The following TELO2 variants were observed in gnomAD, a reference collection of about 807,000 sequenced individuals.
TELO2 encodes the protein telomere length regulation protein TEL2 homolog.
TELO2 carries 71 observed loss-of-function variants against 91.0 expected under a neutral mutation model. The observed-to-expected ratio is 0.78, with a 90% CI of 0.64 to 0.95. The LOEUF (loss-of-function observed/expected upper bound fraction) is 0.95. TELO2 is among the 40% of genes least tolerant of loss of function. The probability of loss-of-function intolerance (pLI) is 0.00; values close to 1 mark genes in which losing one functional copy is unlikely to be tolerated. For synonymous variants in TELO2, 584 were observed against 518.9 expected (o/e 1.13, Z -1.71); for missense variants, 1,183 against 1,141.3 (o/e 1.04, Z -0.53).
rs369656775 is a variant in TELO2, at chr16:1,497,457, C to T, written c.779C>T (p.Pro260Leu). The T allele has an allele frequency of 7.0e-6, 11 of 1,572,746 alleles. No homozygotes were observed. The highest frequency in any genetic ancestry group is 1.4e-5 in the African/African-American group (1 of 73,786). ...RVCWRLVEQV[P>L]DRAMEAVLTG... ...TGCTGGCGCCTGGTGGAGCAAGTGC[C>T]GGACCGGGCCATGGAGGCTGTGCTG... The change falls in exon 5 of 21, where the codon CCG becomes CTG. Residue 260 changes from proline (P) to leucine (L), a missense_variant. Pro to Leu is a moderately conservative substitution (Grantham distance 98, BLOSUM62 -3). Transcript: ENST00000262319. The surrounding 1 kb of genome is among the most constrained non-coding windows in gnomAD (Gnocchi z 4.0).
At position 1,497,046 on chromosome 16, in the gene TELO2, T is replaced by G. The variant is rs766521956; in HGVS notation, c.624T>G (p.Asp208Glu). The change falls in exon 4 of 21, where the codon GAT becomes GAG. Residue 208 changes from aspartate (D) to glutamate (E), a missense_variant. Asp to Glu is a conservative substitution (Grantham distance 45). Coordinates refer to ENST00000262319, the MANE Select transcript of TELO2 (RefSeq NM_016111.4). This position sits in a 1 kb window ranked among gnomAD's most constrained non-coding sequence, Gnocchi z 4.0. ...CCCTTTCTGTCCCAGGTGGCCTGGA[T>G]TCCTCCGTGTCCTTCGTGTCTCAGG... ...AVVDSLQGGL[D>E]SSVSFVSQVL... is the part of the protein sequence containing the mutation. 2 of 1,614,056 alleles carry G rather than the reference T, an allele frequency of 1.2e-6. No individual in the cohort carries two copies. The highest frequency in any genetic ancestry group is 1.7e-6 in the Non-Finnish European group (2 of 1,179,970).
chr16:1,506,360 TG>T (rs1567305780), intron 17 of TELO2, 31 bp downstream of exon 17: 1 of 1,613,546 alleles, frequency 6.2e-7, no homozygotes, highest in East Asian at 2.2e-5. Context: ...CCTGTGGACT[TG>T]GGGGACAGGG....
At chr16:1,499,962 G>A (rs1268265932) in intron 6 of TELO2, 134 bp from the exon 7 acceptor site, 2 of 1,081,672 alleles carry the variant, frequency 1.8e-6, no homozygotes, top group Non-Finnish European at 2.6e-6. Context: ...CCAGGAGGCA[G>A]TGGCCGCCCC....
chr16:1,496,426 G>C (rs1442260028), intron 3 of TELO2, among the ~76,000 whole-genome samples: 1 of 152,252 alleles, frequency 6.6e-6, no homozygotes, highest in Non-Finnish European at 1.5e-5. Flanking sequence ...CCCTAGGCTT[G>C]CAGCTGCTGC....
rs1171098765 is a variant in TELO2 at position 1,495,550 on chromosome 16, C to A, written c.540C>A (p.Phe180Leu). The change falls in exon 3 of 21, where the codon TTC (phenylalanine) becomes TTA (leucine). Residue 180 changes from phenylalanine (F) to leucine (L), a missense_variant. Coordinates refer to ENST00000262319, the MANE Select transcript of TELO2 (RefSeq NM_016111.4). ...RLQQENLAEF[F>L]PQNYFRLLGE... The stretch of plus-strand genomic sequence containing the variant: ...AGCAGGAGAACTTGGCCGAGTTCTT[C>A]CCCCAGAACTACTTCCGCCTGCTCG... The A allele has an allele frequency of 1.9e-6, 3 of 1,611,896 alleles. No individual in the cohort carries two copies. Among genetic ancestry groups the A allele is most frequent in the Non-Finnish European group, 2.5e-6 (3 of 1,179,890 alleles).
chr16:1,506,010 G>A (rs1031328990), intron 16 of TELO2, among the ~76,000 whole-genome samples: 4 of 152,248 alleles, frequency 2.6e-5, no homozygotes, highest in Non-Finnish European at 5.9e-5. Context: ...TGAATGTCCT[G>A]CCTGCAAGTT....
In TELO2 at chr16:1,495,688, C is replaced by T. The variant is rs2039464563; in HGVS notation, c.613+65C>T. On this transcript the variant is annotated intron_variant, in intron 3 of 20. Coordinates refer to ENST00000262319, the MANE Select transcript of TELO2 (RefSeq NM_016111.4). ...TCTTGGGTCCTCGTCCCCTGCCACC[C>T]TCTGGTGCCTCACGGCCTCTGGAGA... The T allele has an allele frequency of 4.6e-6, 7 of 1,516,228 alleles. No individual in the cohort carries two copies. The East Asian group carries it at 6.8e-5, about 15-fold the overall frequency. 93.9% of individuals were successfully genotyped at this position (1,516,228 alleles called of 1,614,324 possible).
intron 3 of TELO2, among the ~76,000 whole-genome samples, chr16:1,496,331 G>A (rs1477006221): frequency 1.6e-4 from 25 of 152,162 alleles, no homozygotes; most frequent in Admixed American, 1.6e-3. Flanking sequence ...TCCCTGCGTG[G>A]GGCCTGTGTG....
chr16:1,494,301 AG>A lies in TELO2; in HGVS notation c.22del (p.Val8PhefsTer28). 6.2e-7 allele frequency: 1 copy of A among 1,612,200 alleles called. No homozygotes were observed. The highest frequency in any genetic ancestry group is 8.5e-7 in the Non-Finnish European group (1 of 1,179,446). MEPAPS[E>X]VRLAVREAIH... Reference sequence around the variant, plus strand: ...TGCAGGATGGAGCCAGCACCCTCAGAGGTTCGACTCGCCGTCCGGGAAGCCA... The same window carrying A: ...TGCAGGATGGAGCCAGCACCCTCAGAGTTCGACTCGCCGTCCGGGAAGCCA... On this transcript the variant is annotated frameshift_variant, in exon 2 of 21. Transcript: ENST00000262319. LOFTEE classifies it high-confidence loss of function. The surrounding 1 kb of genome is among the most constrained non-coding windows in gnomAD (Gnocchi z 5.6).
Position 1,500,571 on chromosome 16 carries a change from G to A in TELO2, c.1153G>A (p.Ala385Thr). 6.2e-7 allele frequency: 1 copy of A among 1,611,960 alleles called. No individual in the cohort carries two copies. Among genetic ancestry groups the A allele is most frequent in the South Asian group, 1.1e-5 (1 of 90,968 alleles). Residue 385 changes from alanine to threonine, a missense_variant, in exon 9 of 21, where the codon GCC becomes ACC. Physicochemically the swap from Ala to Thr is moderately conservative, Grantham distance 58 (BLOSUM62 0). Transcript: ENST00000262319. Reference protein sequence around the residue: ...ELRDSRDELLASMMAGVKCRL... With the variant: ...ELRDSRDELLTSMMAGVKCRL... The stretch of plus-strand genomic sequence containing the variant: ...CTGTCCGGTGCTTGCAGAACTGCTG[G>A]CCAGCATGATGGCGGGCGTGAAGTG...
At position 1,505,348 on chromosome 16, in the gene TELO2, G is replaced by A; in HGVS notation, c.1843-62G>A. 6.5e-7 allele frequency: 1 copy of A among 1,548,284 alleles called. No homozygotes were observed. Among genetic ancestry groups the A allele is most frequent in the Non-Finnish European group, 8.7e-7 (1 of 1,143,616 alleles). On this transcript the variant is annotated intron_variant, in intron 15 of 20. Coordinates refer to ENST00000262319, the MANE Select transcript of TELO2 (RefSeq NM_016111.4). This position sits in a 1 kb window ranked among gnomAD's most constrained non-coding sequence, Gnocchi z 4.3. ...CCGTTTCTGGGGCTTTGGCTGACTT[G>A]ACTCTTGGGAAATGTTCTTCCCTGG...
At chr16:1,507,136 G>A in intron 18 of TELO2, 85 bp downstream of exon 18, 1 of 1,507,300 alleles carries the variant, frequency 6.6e-7, no homozygotes, top group Middle Eastern at 2.3e-4. Context: ...CCCAGGGATG[G>A]GTGTCTGAGG....
At position 1,502,626 on chromosome 16, in the gene TELO2, C is replaced by T. The variant is rs1479579216; in HGVS notation, c.1654-19C>T. 6.2e-7 allele frequency: 1 copy of T among 1,608,046 alleles called. No individual in the cohort carries two copies. The highest frequency in any genetic ancestry group is 8.5e-7 in the Non-Finnish European group (1 of 1,179,124). On this transcript the variant is annotated intron_variant, in intron 13 of 20. Coordinates refer to ENST00000262319, the MANE Select transcript of TELO2 (RefSeq NM_016111.4). ...CAGCTGGGTCCGACAGGTTTCCCAG[C>T]CCTAACCCCTGCGTGCAGGTGAGCG... is the stretch of plus-strand genomic sequence containing the variant.
intron 14 of TELO2, 62 bp downstream of exon 14, chr16:1,502,823 G>A (rs1442334335): frequency 7.5e-6 from 12 of 1,601,358 alleles, no homozygotes; most frequent in Non-Finnish European, 6.8e-6. Context: ...TGGGAGCTGC[G>A]GTGCCTGAGT....
At chr16:1,502,499 G>C (rs780772692) in intron 13 of TELO2, 95 bp downstream of exon 13, 1 of 1,499,616 alleles carries the variant, frequency 6.7e-7, no homozygotes, top group African/African-American at 1.4e-5. Context: ...TATGGCTCCC[G>C]TGTGTGACAG....
rs546128145 is a variant in TELO2, at chr16:1,497,175, C to A, written c.682+71C>A. On this transcript the variant is annotated intron_variant, in intron 4 of 20. Transcript: ENST00000262319. This position sits in a 1 kb window ranked among gnomAD's most constrained non-coding sequence, Gnocchi z 4.0. ...AGCCCATCAGCCTTCTGCAGAAGGC[C>A]GAGAATCCCTCCTGACCCTGGCCCT... The A allele has an allele frequency of 3.8e-6, 6 of 1,583,640 alleles. No individual in the cohort carries two copies. The highest frequency in any genetic ancestry group is 5.2e-6 in the Non-Finnish European group (6 of 1,158,204).
In TELO2 at chr16:1,494,203, A is replaced by G; in HGVS notation, c.-36-43A>G. 3 of 1,406,246 alleles carry G rather than the reference A, an allele frequency of 2.1e-6. No individual in the cohort carries two copies. Among genetic ancestry groups the G allele is most frequent in the South Asian group, 1.3e-5 (1 of 78,936 alleles). The allele number at this position is 1,406,246 out of a possible 1,614,324, so 87.1% of individuals were successfully genotyped here. On this transcript the variant is annotated intron_variant, in intron 1 of 20. Coordinates refer to ENST00000262319, the MANE Select transcript of TELO2 (RefSeq NM_016111.4). The surrounding 1 kb of genome is among the most constrained non-coding windows in gnomAD (Gnocchi z 5.6). ...CGAGGGGCTTCCTGAGCTTGTGTGG[A>G]TTATTTCCGTGCCCCAAGCTGAGCC...
chr16:1,501,764 A>C lies in TELO2; in HGVS notation c.1463A>C (p.Asp488Ala). 1 of 1,608,760 alleles carries C rather than the reference A, an allele frequency of 6.2e-7. No individual in the cohort carries two copies. Among genetic ancestry groups the C allele is most frequent in the Non-Finnish European group, 8.5e-7 (1 of 1,179,678 alleles). The change falls in exon 11 of 21, where the codon GAC becomes GCC. Residue 488 changes from aspartate to alanine, a missense_variant. Coordinates refer to ENST00000262319, the MANE Select transcript of TELO2 (RefSeq NM_016111.4). ...GCACAGCTGGCGGGCTCTGACTCGG[A>C]CCTGGACAGGTAGGGGCTCTGCCAC... is the stretch of plus-strand genomic sequence containing the variant. ...PQAQLAGSDS[D>A]LDSDDEFVPY...
chr16:1,506,507 G>A, intron 17 of TELO2, 178 bp downstream of exon 17: 1 of 1,455,494 alleles, frequency 6.9e-7, no homozygotes, highest in Non-Finnish European at 9.1e-7. Flanking sequence ...AGATTCCTCT[G>A]TGGTTGAGCT....
Sources: gnomAD v4.1 joint callset for allele counts (sites outside exome capture counted in the v4.1 genomes callset) on GRCh38, gnomAD v4.1.1 for gene constraint, Gnocchi (gnomAD v3.1) non-coding constraint, MANE v1.5 for transcripts, NCBI Gene and HGNC (gene_info 2026-07-23, HGNC 2026-07-21) for gene names.